Variants in FOXP1 observed in about 807,000 individuals in gnomAD.
The protein encoded by FOXP1 is forkhead box P1, also known as forkhead box protein P1.
FOXP1 carries 15 observed loss-of-function variants against 98.2 expected under a neutral mutation model. The ratio of observed to expected loss-of-function variants is 0.15; its 90% CI spans 0.10 to 0.24. FOXP1 has a LOEUF of 0.24. Among genes scored for constraint, FOXP1 ranks in the 10% least tolerant of loss-of-function variants. The pLI is 1.00. For missense variants in FOXP1, 633 were observed against 848.5 expected, an observed-to-expected ratio of 0.75 and a Z score of 3.15; for synonymous variants, 371 against 314.5, an observed-to-expected ratio of 1.18 and a Z score of -1.90.
intron 3 of FOXP1, among the ~76,000 whole-genome samples, chr3:71,430,687 C>G (rs34911413): frequency 6.6e-6 from 1 of 152,134 alleles, no homozygotes; most frequent in Non-Finnish European, 1.5e-5. Context: ...CCAGACTTAT[C>G]CCTAAAAGAG....
intron 4 of FOXP1, among the ~76,000 whole-genome samples, chr3:71,322,600 C>T (rs2075454817): frequency 6.6e-6 from 1 of 152,120 alleles, no homozygotes; most frequent in African/African-American, 2.4e-5. Context: ...GCGAGGCACA[C>T]ATGCAAAGGT....
At chr3:71,009,181 G>A (rs992081283) in intron 12 of FOXP1, among the ~76,000 whole-genome samples, 1 of 118,224 alleles carries the variant, frequency 8.5e-6, no homozygotes, top group Non-Finnish European at 1.7e-5. Context: ...CATGACACAC[G>A]TGGATATCTC....
At chr3:71,380,895 T>C (rs1179420384) in intron 3 of FOXP1, among the ~76,000 whole-genome samples, 2 of 152,138 alleles carry the variant, frequency 1.3e-5, no homozygotes, top group African/African-American at 4.8e-5. Flanking sequence ...TGTTAAAATG[T>C]ATCATCTTTT....
chr3:71,413,725 C>A (rs904281944), intron 3 of FOXP1, among the ~76,000 whole-genome samples: 1 of 152,060 alleles, frequency 6.6e-6, no homozygotes, highest in African/African-American at 2.4e-5. Context: ...TACCAAACAG[C>A]ATGTACGGTA....
At chr3:70,967,687 G>GTTTTTTTTTTTGT (rs2035151049) in intron 19 of FOXP1, among the ~76,000 whole-genome samples, 11 of 61,344 alleles carry the variant, frequency 1.8e-4, no homozygotes, top group African/African-American at 5.7e-4. Context: ...ACTATTATTT[G>GTTTTTTTTTTTGT]TTTTTTTTTT....
chr3:71,162,130 A>G (rs1560044280), intron 6 of FOXP1, among the ~76,000 whole-genome samples: 1 of 152,258 alleles, frequency 6.6e-6, no homozygotes, highest in African/African-American at 2.4e-5. Flanking sequence ...GATGTACCTT[A>G]AGTGCTTTTT....
At chr3:71,187,198 A>G (rs1460628757) in intron 6 of FOXP1, among the ~76,000 whole-genome samples, 1 of 152,246 alleles carries the variant, frequency 6.6e-6, no homozygotes, top group Non-Finnish European at 1.5e-5. Flanking sequence ...GACAATTACA[A>G]TTGTGAATCA....
At chr3:71,269,973 T>C (rs1030881752) in intron 5 of FOXP1, among the ~76,000 whole-genome samples, 3 of 152,234 alleles carry the variant, frequency 2.0e-5, no homozygotes, top group African/African-American at 4.8e-5. Context: ...ATTTCTTCTA[T>C]ACTTTTTGCC....
intron 5 of FOXP1, among the ~76,000 whole-genome samples, chr3:71,232,827 A>G (rs1469717338): frequency 6.9e-6 from 1 of 144,478 alleles, no homozygotes; most frequent in Non-Finnish European, 1.5e-5. Context: ...GAGCCCTGGC[A>G]ATGGAAGTTA....
At chr3:71,199,110 C>T (rs1481654390) in intron 5 of FOXP1, among the ~76,000 whole-genome samples, 7 of 140,282 alleles carry the variant, frequency 5.0e-5, no homozygotes, top group Non-Finnish European at 1.1e-4. Context: ...TGGTATTACA[C>T]TTTTTTTTTT....
intron 6 of FOXP1, among the ~76,000 whole-genome samples, chr3:71,114,683 G>A (rs1425391610): frequency 6.6e-6 from 1 of 152,162 alleles, no homozygotes; most frequent in Non-Finnish European, 1.5e-5. Flanking sequence ...TAATGCACAG[G>A]CTAGTTCATC....
chr3:71,335,985 G>A (rs1015330469), intron 4 of FOXP1, among the ~76,000 whole-genome samples: 1 of 122,864 alleles, frequency 8.1e-6, no homozygotes, highest in South Asian at 2.7e-4. Context: ...ACTCCAGCCT[G>A]GGCAATAACA....
intron 2 of FOXP1, among the ~76,000 whole-genome samples, chr3:71,508,794 C>A (rs34346645): frequency 0.32 from 47,962 of 152,114 alleles, 8,786 homozygotes; most frequent in Non-Finnish European, 0.42. Flanking sequence ...CTTAGGTCTG[C>A]AGAGTGATAC....
At chr3:71,366,548 T>A (rs1438596841) in intron 3 of FOXP1, among the ~76,000 whole-genome samples, 1 of 152,238 alleles carries the variant, frequency 6.6e-6, no homozygotes, top group Non-Finnish European at 1.5e-5. Flanking sequence ...GGTCAGGATT[T>A]TTCTTTAGAA....
chr3:71,495,463 A>G (rs7623765), intron 2 of FOXP1, among the ~76,000 whole-genome samples: 64,250 of 152,082 alleles, frequency 0.42, 14,389 homozygotes, highest in Non-Finnish European at 0.48. Context: ...GCTCATAGCA[A>G]GTACTCAATA....
At chr3:71,536,688 G>A (rs376046623) in intron 2 of FOXP1, among the ~76,000 whole-genome samples, 3 of 151,472 alleles carry the variant, frequency 2.0e-5, no homozygotes, top group Admixed American at 1.3e-4. Context: ...GGGTGTTTGA[G>A]CAATGAACTG....
At chr3:71,121,043 CTT>C (rs35487973) in intron 6 of FOXP1, among the ~76,000 whole-genome samples, 269 of 144,364 alleles carry the variant, frequency 1.9e-3, no homozygotes, top group Non-Finnish European at 2.2e-3. Flanking sequence ...TTCTTTCTTT[CTT>C]TTTTTTTTTT....
At chr3:71,014,736 C>G (rs571477902) in intron 12 of FOXP1, among the ~76,000 whole-genome samples, 1 of 152,234 alleles carries the variant, frequency 6.6e-6, no homozygotes, top group East Asian at 1.9e-4. Context: ...TACTTGGAAC[C>G]AACCCAAATG....
intron 6 of FOXP1, among the ~76,000 whole-genome samples, chr3:71,132,072 G>GA (rs200317561): frequency 0.015 from 2,290 of 152,228 alleles, 44 homozygotes; most frequent in African/African-American, 0.052. Flanking sequence ...AGGGGCAGGA[G>GA]AAAAAGGCAG....
Sources: allele counts gnomAD v4.1 joint callset (sites outside exome capture counted in the v4.1 genomes callset), GRCh38; gene constraint gnomAD v4.1.1; transcripts MANE v1.5; gene names NCBI Gene and HGNC (gene_info 2026-07-23, HGNC 2026-07-21).